KMT2C: variants seen among roughly 807,000 people sequenced by gnomAD.
KMT2C encodes the protein lysine methyltransferase 2C, also known as histone-lysine N-methyltransferase 2C.
Under a neutral mutation model 507.9 loss-of-function variants are expected in KMT2C, and 88 were observed. The ratio of observed to expected loss-of-function variants is 0.17; its 90% CI spans 0.15 to 0.21. KMT2C has a LOEUF of 0.21. Ranked by LOEUF, KMT2C falls within the 10% of genes least tolerant of loss-of-function variation. The pLI is 1.00. For missense variants in KMT2C, 4,954 were observed against 5,957.8 expected, an observed-to-expected ratio of 0.83 and a Z score of 5.55; for synonymous variants, 2,049 against 2,080.8, an observed-to-expected ratio of 0.98 and a Z score of 0.42.
chr7:152,368,722 T>C (rs1471984949), intron 1 of KMT2C: 24 of 1,187,134 alleles, frequency 2.0e-5, no homozygotes, highest in Non-Finnish European at 2.4e-6. Flanking sequence ...ACATCAGTGT[T>C]TGTTGGATCC....
At chr7:152,157,735 G>A in intron 44 of KMT2C, 1 of 1,186,468 alleles carries the variant, frequency 8.4e-7, no homozygotes, top group Non-Finnish European at 1.1e-6. Flanking sequence ...GATGAAGCAA[G>A]ACAACACCTT....
chr7:152,190,516 C>A (rs1229659445), intron 31 of KMT2C, among the ~76,000 whole-genome samples: 1 of 152,062 alleles, frequency 6.6e-6, no homozygotes, highest in Non-Finnish European at 1.5e-5. Flanking sequence ...AGAGGACCCA[C>A]AGAAATTAAA....
chr7:152,158,951 G>A lies in KMT2C; in HGVS notation c.11582C>T (p.Ala3861Val), dbSNP rs767145547. Residue 3861 changes from alanine to valine, a missense_variant, in exon 44 of 59, where the codon GCA becomes GTA. Coordinates refer to ENST00000262189, the MANE Select transcript of KMT2C (RefSeq NM_170606.3). ...SKRTQRTGEK[A>V]APRSKKRKKD... ...TTTCCTTTTCTTTGAGCGAGGTGCT[G>A]CTTTCTCACCCGTCCTCTGAGTCCG... 3 of 1,614,180 alleles carry A rather than the reference G, an allele frequency of 1.9e-6. No individual in the cohort carries two copies. The highest frequency in any genetic ancestry group is 2.2e-5 in the East Asian group (1 of 44,876).
intron 23 of KMT2C, among the ~76,000 whole-genome samples, chr7:152,208,058 TC>T (rs2094355012): frequency 6.6e-6 from 1 of 152,182 alleles, no homozygotes; most frequent in Non-Finnish European, 1.5e-5. Context: ...CCTATCTAGT[TC>T]CCCACCTTAA....
intron 31 of KMT2C, among the ~76,000 whole-genome samples, chr7:152,191,174 A>G (rs1028923177): frequency 6.6e-6 from 1 of 152,218 alleles, no homozygotes; most frequent in Non-Finnish European, 1.5e-5. Flanking sequence ...GCACAATTAC[A>G]CAGATAATTC....
intron 31 of KMT2C, among the ~76,000 whole-genome samples, chr7:152,188,740 G>A (rs1471930547): frequency 6.6e-6 from 1 of 150,710 alleles, no homozygotes; most frequent in Non-Finnish European, 1.5e-5. Context: ...CTCCTGAGTA[G>A]TTGGAATCAC....
chr7:152,165,280 T>C (rs2092677426), intron 42 of KMT2C, among the ~76,000 whole-genome samples: 4 of 152,246 alleles, frequency 2.6e-5, no homozygotes, highest in Admixed American at 2.6e-4. Flanking sequence ...AATATGATTA[T>C]ACTGGATCTT....
chr7:152,206,404 A>G (rs1211339745), intron 24 of KMT2C, among the ~76,000 whole-genome samples: 3 of 152,282 alleles, frequency 2.0e-5, no homozygotes, highest in Admixed American at 2.0e-4. Context: ...AACAATTCAG[A>G]AGCAACTAAT....
rs1335781599 is a variant in KMT2C, at chr7:152,215,433, G to GA, written c.3712+5089dup. 7.8e-5 allele frequency among the ~76,000 whole-genome samples: 11 copies of GA among 140,568 alleles called. No homozygotes were observed. The Admixed American group carries it at 8.6e-4, about 11-fold the overall frequency. The allele number at this position is 140,568 out of a possible 152,430, so 92.2% of individuals were successfully genotyped here. A position where few individuals can be genotyped will look rare whatever the true frequency, so the allele number is the denominator to read the frequency against. On this transcript the variant is annotated intron_variant, in intron 23 of 58. Transcript: ENST00000262189. ...GGAGGCTGAGGCAGGAGAATGGCGT[G>GA]AACCCAGGAGGCGGAGCTTGCAGTG... is the stretch of plus-strand genomic sequence containing the variant.
At chr7:152,195,051 GT>G (rs1184088023) in intron 28 of KMT2C, among the ~76,000 whole-genome samples, 1 of 151,898 alleles carries the variant, frequency 6.6e-6, no homozygotes, top group Non-Finnish European at 1.5e-5. Flanking sequence ...TCAATTATAG[GT>G]AATATTTTTA....
chr7:152,204,860 A>C (rs1209263743), intron 25 of KMT2C, among the ~76,000 whole-genome samples: 4 of 152,052 alleles, frequency 2.6e-5, no homozygotes, highest in Non-Finnish European at 4.4e-5. Context: ...AAATCTCAAA[A>C]GAATAAAGTC....
chr7:152,347,872 C>T (rs1003036126), intron 2 of KMT2C, among the ~76,000 whole-genome samples: 13 of 151,938 alleles, frequency 8.6e-5, no homozygotes, highest in African/African-American at 9.7e-5. Flanking sequence ...CGAATCTCCA[C>T]GAAAAATTTC....
intron 1 of KMT2C, among the ~76,000 whole-genome samples, chr7:152,387,183 G>C (rs1161146246): frequency 6.6e-6 from 1 of 151,562 alleles, no homozygotes; most frequent in Non-Finnish European, 1.5e-5. Flanking sequence ...TGTAGTACAA[G>C]TTTTAACTTT....
At chr7:152,290,288 ATATATATTTTTTTTTTTT>A (rs2096401977) in intron 6 of KMT2C, among the ~76,000 whole-genome samples, 1 of 31,972 alleles carries the variant, frequency 3.1e-5, no homozygotes, top group African/African-American at 1.6e-4. Flanking sequence ...ATATATATAT[ATATATATTTTTTTTTTTT>A]TTTTTTTTTT....
intron 18 of KMT2C, among the ~76,000 whole-genome samples, chr7:152,227,886 C>A (rs760691780): frequency 6.6e-6 from 1 of 152,102 alleles, no homozygotes; most frequent in Non-Finnish European, 1.5e-5. Context: ...AGTCAGAGTA[C>A]AAAGACACTG....
Position 152,144,279 on chromosome 7 carries a change from A to ACT in KMT2C, c.14343+433_14343+434insAG, listed in dbSNP as rs2090892642. 1.3e-5 allele frequency among the ~76,000 whole-genome samples: 2 copies of ACT among 152,236 alleles called. No individual in the cohort carries two copies. Among genetic ancestry groups the ACT allele is most frequent in the Admixed American group, 6.5e-5 (1 of 15,290 alleles). On this transcript the variant is annotated intron_variant, in intron 55 of 58. Transcript: ENST00000262189. This position sits in a 1 kb window ranked among gnomAD's most constrained non-coding sequence, Gnocchi z 4.4. ...CGGCCTTACTTGTAAGATAGTCCAC[A>ACT]GTCTACCAAAAAACATGCACTGATT... is the stretch of plus-strand genomic sequence containing the variant.
In KMT2C at chr7:152,135,398, GTTTT is replaced by G. The variant is rs538966942; in HGVS notation, c.*1430_*1433del. ...TTTCTACAAGCAAACACAAAACAGT[GTTTT>G]TTTTATTAAAGAAATGTAAACAAAC... On this transcript the variant is annotated 3_prime_UTR_variant, in exon 59 of 59. Transcript: ENST00000262189. 1 of 215,350 alleles carries G rather than the reference GTTTT, an allele frequency of 4.6e-6. No homozygotes were observed. Among genetic ancestry groups the G allele is most frequent in the Non-Finnish European group, 9.4e-6 (1 of 106,916 alleles). The allele number at this position is 215,350 out of a possible 1,614,324, so 13.3% of individuals were successfully genotyped here.
intron 1 of KMT2C, among the ~76,000 whole-genome samples, chr7:152,386,159 C>T (rs1215967891): frequency 6.6e-6 from 1 of 151,476 alleles, no homozygotes; most frequent in Non-Finnish European, 1.5e-5. Flanking sequence ...GGGTTCAAAT[C>T]CTGTGTCCAT....
chr7:152,167,185 A>G lies in KMT2C; in HGVS notation c.9711T>C (p.Val3237=). 1.2e-6 allele frequency: 2 copies of G among 1,614,170 alleles called. No homozygotes were observed. Among genetic ancestry groups the G allele is most frequent in the South Asian group, 2.2e-5 (2 of 91,080 alleles). The change falls in exon 42 of 59, where the codon GTT becomes GTC. Residue 3237 remains valine, a synonymous_variant. Transcript: ENST00000262189. ...TCTGAACCATGCTTTGCTGTTCAGT[A>G]ACATGCTTGAGTTGTTCTGCATCTT... ...PEEDAEQLKH[V]TEQQSMVQKQ...
Sources: gnomAD v4.1 joint callset for allele counts (sites outside exome capture counted in the v4.1 genomes callset) on GRCh38, gnomAD v4.1.1 for gene constraint, Gnocchi (gnomAD v3.1) non-coding constraint, MANE v1.5 for transcripts, NCBI Gene and HGNC (gene_info 2026-07-23, HGNC 2026-07-21) for gene names.